The following CSMD1 variants were observed in gnomAD, a reference collection of about 807,000 sequenced individuals.
The protein encoded by CSMD1 is CUB and sushi domain-containing protein 1.
A neutral mutation model predicts 417.5 loss-of-function variants in CSMD1; 213 were observed. The ratio of observed to expected loss-of-function variants is 0.51; its 90% CI spans 0.46 to 0.57. The LOEUF is 0.57. Ranked by LOEUF, CSMD1 falls within the 20% of genes least tolerant of loss-of-function variation. The pLI is 0.00. For missense variants in CSMD1, 6,923 were observed against 4,529.7 expected (o/e 1.53, Z -15.17); for synonymous variants, 2,862 against 1,736.8 (o/e 1.65, Z -16.11).
chr8:3,901,634 C>G (rs545101092), intron 5 of CSMD1, among the ~76,000 whole-genome samples: 136 of 152,296 alleles, frequency 8.9e-4, no homozygotes, highest in African/African-American at 2.8e-3. Context: ...CGAAGTAAAA[C>G]AGTATCTGGC....
At chr8:3,000,830 C>T (rs137987401) in intron 52 of CSMD1, among the ~76,000 whole-genome samples, 466 of 152,228 alleles carry the variant, frequency 3.1e-3, no homozygotes, top group Non-Finnish European at 5.0e-3. Context: ...GGAAGGAGCG[C>T]GAGATCGCGA....
rs376117864 is a variant in CSMD1, at chr8:2,998,057, C to G, written c.8331G>C (p.Gln2777His). ...TACTCCACTGGCCGTTGCTCCGACA[C>G]TGGGCTCGAGACACGCCCTGCAGCA... ...GYLLQGVSRA[Q>H]CRSNGQWSSP... The change falls in exon 54 of 70, where the codon CAG becomes CAC. Residue 2777 changes from glutamine (Q) to histidine (H), a missense_variant. Coordinates refer to ENST00000635120, the MANE Select transcript of CSMD1 (RefSeq NM_033225.6). The G allele has an allele frequency of 1.2e-6, 2 of 1,613,888 alleles. No individual in the cohort carries two copies. Among genetic ancestry groups the G allele is most frequent in the Non-Finnish European group, 1.7e-6 (2 of 1,179,870 alleles).
chr8:3,195,375 T>C (rs1796649172), intron 33 of CSMD1, among the ~76,000 whole-genome samples: 1 of 152,104 alleles, frequency 6.6e-6, no homozygotes, highest in Non-Finnish European at 1.5e-5. Context: ...GGCGGATTGA[T>C]TCTAATGTTG....
At chr8:3,598,463 G>C (rs1052136297) in intron 8 of CSMD1, among the ~76,000 whole-genome samples, 5 of 152,082 alleles carry the variant, frequency 3.3e-5, no homozygotes, top group African/African-American at 1.2e-4. Flanking sequence ...TTCCTTCTGG[G>C]ACCGACCGCC....
At position 2,978,623 on chromosome 8, in the gene CSMD1, G is replaced by A; in HGVS notation, c.8555C>T (p.Pro2852Leu). The change falls in exon 55 of 70, where the codon CCC becomes CTC. Residue 2852 changes from proline to leucine, a missense_variant. Pro to Leu is a moderately conservative substitution (Grantham distance 98). Transcript: ENST00000635120. Reference protein sequence around the residue: ...MANGLWDRSLPKCLAISCGHP... With the variant: ...MANGLWDRSLLKCLAISCGHP... ...TAACCCTGACTTACCCAAACACTTGGGCAGGGATCGGTCCCATAAGCCATT... is the reference window on the plus strand; with the variant it reads ...TAACCCTGACTTACCCAAACACTTGAGCAGGGATCGGTCCCATAAGCCATT... The A allele has an allele frequency of 6.3e-7, 1 of 1,590,348 alleles. No homozygotes were observed.
In CSMD1 at chr8:4,906,549, T is replaced by A. The variant is rs1805289422; in HGVS notation, c.85+87783A>T. ...AAATATTTTAAATAAGTTTGTCTTT[T>A]CAAGGTAGCTATTACATTTTGAGTT... is the stretch of plus-strand genomic sequence containing the variant. On this transcript the variant is annotated intron_variant, in intron 1 of 69. Coordinates refer to ENST00000635120, the MANE Select transcript of CSMD1 (RefSeq NM_033225.6). Among the ~76,000 whole-genome samples the A allele has an allele frequency of 2.0e-5, 3 of 149,568 alleles. No homozygotes were observed. In the South Asian group the frequency reaches 6.4e-4, roughly 32 times the overall value.
At chr8:3,617,486 G>A (rs974324318) in intron 7 of CSMD1, among the ~76,000 whole-genome samples, 1 of 151,764 alleles carries the variant, frequency 6.6e-6, no homozygotes, top group Non-Finnish European at 1.5e-5. Context: ...TTTCTCCCAG[G>A]AATTTGCTTA....
At chr8:3,008,661 G>A (rs1234613603) in intron 52 of CSMD1, among the ~76,000 whole-genome samples, 1 of 152,158 alleles carries the variant, frequency 6.6e-6, no homozygotes, top group Non-Finnish European at 1.5e-5. Flanking sequence ...TCTGGAAAGC[G>A]GTTCTACAAA....
intron 10 of CSMD1, among the ~76,000 whole-genome samples, chr8:3,509,389 T>C (rs12114533): frequency 0.11 from 17,327 of 152,250 alleles, 1,078 homozygotes; most frequent in African/African-American, 0.17. Flanking sequence ...AATCCATTGC[T>C]ATTAAATACA....
At chr8:3,824,368 G>A (rs1171390660) in intron 5 of CSMD1, among the ~76,000 whole-genome samples, 6 of 152,150 alleles carry the variant, frequency 3.9e-5, no homozygotes, top group Non-Finnish European at 4.4e-5. Context: ...AAATGACGGC[G>A]ATTTCCCTCC....
intron 50 of CSMD1, among the ~76,000 whole-genome samples, chr8:3,039,557 CCTT>C (rs992807278): frequency 2.9e-4 from 44 of 151,646 alleles, no homozygotes; most frequent in African/African-American, 1.0e-3. Flanking sequence ...TTCCTTTCCT[CCTT>C]ATTTTCTTCC....
At chr8:4,383,347 G>A (rs981183246) in intron 3 of CSMD1, among the ~76,000 whole-genome samples, 4 of 152,226 alleles carry the variant, frequency 2.6e-5, no homozygotes, top group African/African-American at 7.2e-5. Context: ...ATTTTATGAT[G>A]AGAGAGTTTT....
At chr8:4,927,396 C>T (rs150440882) in intron 1 of CSMD1, among the ~76,000 whole-genome samples, 175 of 152,140 alleles carry the variant, frequency 1.2e-3, no homozygotes, top group African/African-American at 4.1e-3. Context: ...TAAATCCCTG[C>T]CAAACTGCCC....
chr8:4,177,034 CA>C (rs1798086480), intron 3 of CSMD1, among the ~76,000 whole-genome samples: 3 of 152,182 alleles, frequency 2.0e-5, no homozygotes, highest in Admixed American at 2.0e-4. Context: ...GACAGAAAGT[CA>C]ACAAGGATAT....
At chr8:4,059,579 A>C (rs963300452) in intron 3 of CSMD1, among the ~76,000 whole-genome samples, 1 of 152,044 alleles carries the variant, frequency 6.6e-6, no homozygotes, top group Non-Finnish European at 1.5e-5. Context: ...GAGAAGAATC[A>C]AATAGATGCA....
chr8:3,139,414 G>A (rs958407230), intron 41 of CSMD1, among the ~76,000 whole-genome samples: 19 of 152,160 alleles, frequency 1.2e-4, no homozygotes, highest in Non-Finnish European at 2.5e-4. Context: ...CTGAAGCCAA[G>A]GGAAAAGGGC....
intron 8 of CSMD1, among the ~76,000 whole-genome samples, chr8:3,608,330 C>A (rs1346739349): frequency 2.0e-5 from 3 of 151,980 alleles, no homozygotes; most frequent in Non-Finnish European, 1.5e-5. Flanking sequence ...ATGAAGGGGG[C>A]CACATTGTGG....
chr8:3,202,774 A>T (rs1393307293), intron 31 of CSMD1, among the ~76,000 whole-genome samples: 1 of 152,202 alleles, frequency 6.6e-6, no homozygotes, highest in Non-Finnish European at 1.5e-5. Context: ...ATGTGTGTAT[A>T]GACACACATA....
chr8:3,968,004 T>TAAA (rs11330461), intron 5 of CSMD1, among the ~76,000 whole-genome samples: 41 of 98,894 alleles, frequency 4.1e-4, no homozygotes, highest in Admixed American at 8.0e-4. Flanking sequence ...CGTCACTGCT[T>TAAA]AAAAAAAAAA....
Sources: gnomAD v4.1 joint callset for allele counts (sites outside exome capture counted in the v4.1 genomes callset) on GRCh38, gnomAD v4.1.1 for gene constraint, MANE v1.5 for transcripts, NCBI Gene and HGNC (gene_info 2026-07-23, HGNC 2026-07-21) for gene names.